Variants in CCDC62 observed in about 807,000 individuals in gnomAD.
CCDC62 encodes coiled-coil domain containing 62.
A neutral mutation model predicts 80.8 loss-of-function variants in CCDC62; 72 were observed. The ratio of observed to expected loss-of-function variants is 0.89; its 90% CI spans 0.74 to 1.08. CCDC62 has a LOEUF of 1.08. CCDC62 is among the 50% of genes least tolerant of loss of function. CCDC62 has a pLI of 0.00. For missense variants in CCDC62, 704 were observed against 809.4 expected (o/e 0.87, Z 1.58); for synonymous variants, 286 against 296.5 (o/e 0.96, Z 0.36).
intron 12 of CCDC62, among the ~76,000 whole-genome samples, chr12:122,824,867 C>T (rs923396185): frequency 6.6e-6 from 1 of 151,940 alleles, no homozygotes; most frequent in South Asian, 2.1e-4. Flanking sequence ...GGCAGATCAC[C>T]TGAGGTCGGG....
Position 122,801,127 on chromosome 12 carries a change from A to G in CCDC62, c.981A>G (p.Arg327=). The G allele has an allele frequency of 6.2e-7, 1 of 1,605,658 alleles. No individual in the cohort carries two copies. The highest frequency in any genetic ancestry group is 1.7e-5 in the Admixed American group (1 of 57,656). Residue 327 remains arginine, a synonymous_variant, in exon 9 of 13, where the codon AGA becomes AGG. Coordinates refer to ENST00000253079, the MANE Select transcript of CCDC62 (RefSeq NM_201435.5). ...TTTTTTTCTAATGCCACCATAGCAG[A>G]GACATGTGTTTATCAGACCTTGAAA... ...MEESKALDSS[R]DMCLSDLENN...
At chr12:122,804,882 A>AT (rs35218710) in intron 9 of CCDC62, among the ~76,000 whole-genome samples, 79 of 104,494 alleles carry the variant, frequency 7.6e-4, no homozygotes, top group African/African-American at 1.7e-3. Flanking sequence ...ACTTGGTTCC[A>AT]TTTTTTTTTT....
At chr12:122,796,453 T>C (rs901182832) in intron 6 of CCDC62, among the ~76,000 whole-genome samples, 3 of 152,096 alleles carry the variant, frequency 2.0e-5, no homozygotes, top group Admixed American at 6.6e-5. Flanking sequence ...TTAGGAAATA[T>C]AACAAAACAG....
chr12:122,822,912 G>A (rs2032472957), intron 11 of CCDC62, among the ~76,000 whole-genome samples: 1 of 152,090 alleles, frequency 6.6e-6, no homozygotes, highest in Admixed American at 6.6e-5. Context: ...CATCTTGGCT[G>A]CAGTGAACAT....
chr12:122,788,140 G>T lies in CCDC62; in HGVS notation c.499-618G>T, dbSNP rs375935767. Among the ~76,000 whole-genome samples the T allele has an allele frequency of 3.6e-4, 55 of 152,288 alleles. 1 individual carries two copies. In the South Asian group the frequency reaches 4.6e-3, roughly 13 times the overall value. ...CCTCTTAATAACAGTTATTCCAGGT[G>T]AGTGGGGGAGGGATAGAACTTTTAC... On this transcript the variant is annotated intron_variant, in intron 4 of 12. Coordinates refer to ENST00000253079, the MANE Select transcript of CCDC62 (RefSeq NM_201435.5).
intron 7 of CCDC62, 36 bp from the exon 8 acceptor site, chr12:122,798,049 T>C (rs761720096): frequency 9.4e-7 from 1 of 1,062,572 alleles, no homozygotes; most frequent in Admixed American, 1.9e-5. Flanking sequence ...AGTTTTGTTA[T>C]TACATTTCAT....
intron 10 of CCDC62, among the ~76,000 whole-genome samples, chr12:122,811,506 C>T (rs945100968): frequency 7.3e-6 from 1 of 136,276 alleles, no homozygotes. Flanking sequence ...CCACCGTGCC[C>T]GGCTGAAATT....
chr12:122,821,552 C>G (rs559409619), intron 11 of CCDC62, among the ~76,000 whole-genome samples: 2 of 152,138 alleles, frequency 1.3e-5, no homozygotes, highest in Non-Finnish European at 1.5e-5. Context: ...CAGGCTCCAG[C>G]GGTCCTCCCA....
chr12:122,786,731 C>T (rs1479117328), intron 4 of CCDC62, among the ~76,000 whole-genome samples: 1 of 150,568 alleles, frequency 6.6e-6, no homozygotes, highest in African/African-American at 2.4e-5. Flanking sequence ...GAGGCCGAGG[C>T]GGGCAGATCA....
chr12:122,787,284 AC>A (rs1220275822), intron 4 of CCDC62, among the ~76,000 whole-genome samples: 6 of 151,952 alleles, frequency 3.9e-5, no homozygotes, highest in African/African-American at 1.5e-4. Flanking sequence ...CCCTGTCTTT[AC>A]TAAAAATACA....
chr12:122,821,929 A>T (rs1206590656), intron 11 of CCDC62, among the ~76,000 whole-genome samples: 1 of 151,858 alleles, frequency 6.6e-6, no homozygotes, highest in Non-Finnish European at 1.5e-5. Context: ...ATTTTGAAAT[A>T]TATCATACAT....
chr12:122,812,095 C>T (rs1301812442), intron 10 of CCDC62, among the ~76,000 whole-genome samples: 3 of 152,100 alleles, frequency 2.0e-5, no homozygotes, highest in Non-Finnish European at 4.4e-5. Flanking sequence ...GGTGTTACTT[C>T]ATTAGCTGTA....
At chr12:122,800,447 A>T (rs1485430425) in intron 8 of CCDC62, among the ~76,000 whole-genome samples, 1 of 147,072 alleles carries the variant, frequency 6.8e-6, no homozygotes, top group African/African-American at 2.5e-5. Context: ...TTTTTTTGAG[A>T]TGGAGTTTCA....
chr12:122,808,417 A>G (rs914653781), intron 10 of CCDC62, among the ~76,000 whole-genome samples: 1 of 152,268 alleles, frequency 6.6e-6, no homozygotes, highest in African/African-American at 2.4e-5. Flanking sequence ...TAATACAAAT[A>G]AAGCTGCTTG....
Position 122,785,767 on chromosome 12 carries a change from G to A in CCDC62, c.445G>A (p.Val149Ile), listed in dbSNP as rs1192666182. 2.5e-6 allele frequency: 4 copies of A among 1,613,944 alleles called. No homozygotes were observed. The Admixed American group carries it at 5.0e-5, about 20-fold the overall frequency. The change falls in exon 4 of 13, where the codon GTA (valine) becomes ATA (isoleucine). Residue 149 changes from valine (V) to isoleucine (I), a missense_variant. Val to Ile is a conservative substitution (Grantham distance 29, BLOSUM62 3). Coordinates refer to ENST00000253079, the MANE Select transcript of CCDC62 (RefSeq NM_201435.5). ...CACGTTAGTGGAACTTTCTGCCCAG[G>A]TAGGACAGCTACAAGCTCGAGAACA... Reference protein sequence around the residue: ...SNTLVELSAQVGQLQAREQAL... With the variant: ...SNTLVELSAQIGQLQAREQAL...
intron 10 of CCDC62, among the ~76,000 whole-genome samples, 171 bp from the exon 11 acceptor site, chr12:122,813,099 C>G (rs2032013498): frequency 6.6e-6 from 1 of 152,074 alleles, no homozygotes; most frequent in Admixed American, 6.5e-5. Context: ...GAGGCTGAGG[C>G]AGGAGGATCA....
chr12:122,779,488 A>G (rs547503958), intron 2 of CCDC62, among the ~76,000 whole-genome samples: 9,622 of 152,216 alleles, frequency 0.063, 1,044 homozygotes, highest in African/African-American at 0.22. Context: ...CTGATACAAT[A>G]GGTCTGGGGC....
At chr12:122,797,777 T>C (rs1407833432) in intron 7 of CCDC62, among the ~76,000 whole-genome samples, 4 of 152,022 alleles carry the variant, frequency 2.6e-5, no homozygotes, top group Admixed American at 6.6e-5. Context: ...CCTGACCTCA[T>C]GACCCGCCCA....
rs758801211 is a variant in CCDC62 at position 122,781,477 on chromosome 12, G to C, written c.396+147G>C. On this transcript the variant is annotated intron_variant, in intron 3 of 12. Coordinates refer to ENST00000253079, the MANE Select transcript of CCDC62 (RefSeq NM_201435.5). ...GAGGCAGGTGGATCACCTGAGGTCA[G>C]GAGTTCGAGACCAGCCTGGCCAGCG... 5.6e-5 allele frequency: 38 copies of C among 678,708 alleles called. 2 individuals are homozygous for C. 42.0% of individuals were successfully genotyped at this position (678,708 alleles called of 1,614,324 possible). A position where few individuals can be genotyped will look rare whatever the true frequency, so the allele number is the denominator to read the frequency against.
Sources: allele counts gnomAD v4.1 joint callset (sites outside exome capture counted in the v4.1 genomes callset), GRCh38; gene constraint gnomAD v4.1.1; transcripts MANE v1.5; gene names NCBI Gene and HGNC (gene_info 2026-07-23, HGNC 2026-07-21).